BICD1: variants seen among roughly 807,000 people sequenced by gnomAD.
The protein encoded by BICD1 is BICD cargo adaptor 1.
A neutral mutation model predicts 92.5 loss-of-function variants in BICD1; 35 were observed. That is an observed-to-expected ratio of 0.38 (90% CI 0.29 to 0.50). The LOEUF (loss-of-function observed/expected upper bound fraction) is 0.50, where lower values mean the gene tolerates loss of function less well. Among genes scored for constraint, BICD1 ranks in the 20% least tolerant of loss-of-function variants. The pLI is 0.93. For missense variants in BICD1, 950 were observed against 1,189.8 expected, an observed-to-expected ratio of 0.80 and a Z score of 2.97; for synonymous variants, 429 against 465.1, an observed-to-expected ratio of 0.92 and a Z score of 1.00.
At chr12:32,289,715 C>T (rs1018625118) in intron 2 of BICD1, among the ~76,000 whole-genome samples, 1 of 152,184 alleles carries the variant, frequency 6.6e-6, no homozygotes, top group East Asian at 1.9e-4. Context: ...GATGATTGGG[C>T]GTAGCTTTCT....
At chr12:32,363,170 A>G (rs1306003852) in intron 8 of BICD1, among the ~76,000 whole-genome samples, 1 of 152,204 alleles carries the variant, frequency 6.6e-6, no homozygotes, top group Non-Finnish European at 1.5e-5. Context: ...GAGGAATGTC[A>G]TACAAGGGTA....
At chr12:32,187,671 CA>C (rs931141910) in intron 1 of BICD1, among the ~76,000 whole-genome samples, 10 of 150,118 alleles carry the variant, frequency 6.7e-5, no homozygotes, top group African/African-American at 2.4e-4. Flanking sequence ...GACTCCATAT[CA>C]AAAAAAAGGA....
chr12:32,154,342 G>A (rs561566755), intron 1 of BICD1, among the ~76,000 whole-genome samples: 52 of 152,210 alleles, frequency 3.4e-4, no homozygotes, highest in South Asian at 2.7e-3. Flanking sequence ...ATTCTGATAC[G>A]TGCTCTTGGT....
chr12:32,383,038 G>GT lies in BICD1; in HGVS notation c.*5416dup, dbSNP rs1312790162. On this transcript the variant is annotated 3_prime_UTR_variant, in exon 10 of 10. Coordinates refer to ENST00000652176, the MANE Select transcript of BICD1 (RefSeq NM_001714.4). Reference sequence around the variant, plus strand: ...TTATGACATTTTTATAATCTACTCTGTTTTTATTTGCATGATTATGCTTAT... The same window carrying GT: ...TTATGACATTTTTATAATCTACTCTGTTTTTTATTTGCATGATTATGCTTAT... The GT allele has an allele frequency of 6.6e-5, 10 of 150,574 alleles. No individual in the cohort carries two copies. Among genetic ancestry groups the GT allele is most frequent in the Non-Finnish European group, 1.5e-5 (1 of 67,364 alleles). The allele number at this position is 150,574 out of a possible 1,614,324, so 9.3% of individuals were successfully genotyped here. A position where few individuals can be genotyped will look rare whatever the true frequency, so the allele number is the denominator to read the frequency against.
intron 2 of BICD1, among the ~76,000 whole-genome samples, chr12:32,274,487 T>TA (rs1174723132): frequency 1.3e-5 from 2 of 152,210 alleles, no homozygotes; most frequent in Non-Finnish European, 2.9e-5. Context: ...CAGCTATTGC[T>TA]ACCATTAGCT....
intron 2 of BICD1, among the ~76,000 whole-genome samples, chr12:32,241,188 A>G (rs1946226724): frequency 6.6e-6 from 1 of 152,094 alleles, no homozygotes; most frequent in African/African-American, 2.4e-5. Flanking sequence ...AGAAATGGAA[A>G]CTCTGTGCTG....
intron 1 of BICD1, among the ~76,000 whole-genome samples, chr12:32,128,939 A>AT (rs139938197): frequency 2.7e-5 from 4 of 148,658 alleles, no homozygotes; most frequent in African/African-American, 5.0e-5. Flanking sequence ...TGTCCAACTA[A>AT]TTTTTTTTTT....
intron 2 of BICD1, among the ~76,000 whole-genome samples, chr12:32,230,138 G>A (rs1444490130): frequency 6.6e-6 from 1 of 152,130 alleles, no homozygotes; most frequent in East Asian, 1.9e-4. Context: ...TAGGGGAGGG[G>A]CTGAGATTTG....
intron 1 of BICD1, among the ~76,000 whole-genome samples, chr12:32,117,600 A>G (rs974434890): frequency 6.6e-5 from 10 of 151,738 alleles, no homozygotes; most frequent in Admixed American, 5.3e-4. Context: ...AGGGAGGTCT[A>G]CAGCCTCCAG....
In BICD1 at chr12:32,328,274, CCA is replaced by C. The variant is rs1565674787; in HGVS notation, c.1821_1822del (p.Pro608ValfsTer9). 6.2e-7 allele frequency: 1 copy of C among 1,614,158 alleles called. No individual in the cohort carries two copies. The highest frequency in any genetic ancestry group is 8.5e-7 in the Non-Finnish European group (1 of 1,180,026). ...TPTISPVITA[P>X]PSSPVLDTSD... is the part of the protein sequence containing the mutation. ...CACAATCTCTCCTGTTATTACTGCC[CCA>C]CCGTCATCTCCAGTATTGGATACAA... On this transcript the variant is annotated frameshift_variant, in exon 5 of 10. Transcript: ENST00000652176. LOFTEE classifies it high-confidence loss of function. This position sits in a 1 kb window ranked among gnomAD's most constrained non-coding sequence, Gnocchi z 4.4.
At chr12:32,126,544 A>T (rs1334047723) in intron 1 of BICD1, among the ~76,000 whole-genome samples, 1 of 151,936 alleles carries the variant, frequency 6.6e-6, no homozygotes, top group Non-Finnish European at 1.5e-5. Context: ...ATCACTTGAT[A>T]CCAGGAGTTC....
At chr12:32,363,611 A>T (rs922614302) in intron 8 of BICD1, among the ~76,000 whole-genome samples, 3 of 40,388 alleles carry the variant, frequency 7.4e-5, no homozygotes, top group Non-Finnish European at 1.1e-4. Flanking sequence ...CCTAGATATC[A>T]CAACCTCCAG....
At chr12:32,149,662 G>A (rs553903907) in intron 1 of BICD1, among the ~76,000 whole-genome samples, 1 of 152,286 alleles carries the variant, frequency 6.6e-6, no homozygotes, top group Admixed American at 6.5e-5. Flanking sequence ...GAGAATTCTG[G>A]TCATGTGATC....
At chr12:32,163,683 A>G (rs1356220511) in intron 1 of BICD1, among the ~76,000 whole-genome samples, 2 of 152,298 alleles carry the variant, frequency 1.3e-5, no homozygotes, top group South Asian at 2.1e-4. Flanking sequence ...CCCGTTTTCC[A>G]GTATTGTAGT....
intron 2 of BICD1, among the ~76,000 whole-genome samples, chr12:32,285,686 C>T (rs927376257): frequency 1.7e-4 from 26 of 152,148 alleles, no homozygotes; most frequent in African/African-American, 4.6e-4. Flanking sequence ...ATCCCCTCTC[C>T]CCTGAGGAGC....
intron 2 of BICD1, among the ~76,000 whole-genome samples, chr12:32,245,160 T>A (rs1946340416): frequency 1.3e-5 from 2 of 152,158 alleles, no homozygotes; most frequent in African/African-American, 4.8e-5. Flanking sequence ...CTAGTAGTAT[T>A]TTAAAAATCA....
intron 3 of BICD1, among the ~76,000 whole-genome samples, chr12:32,298,137 C>T (rs1947924015): frequency 6.7e-6 from 1 of 150,106 alleles, no homozygotes; most frequent in Non-Finnish European, 1.5e-5. Flanking sequence ...GAGCTGTGAT[C>T]ACACCTCTGT....
intron 2 of BICD1, among the ~76,000 whole-genome samples, chr12:32,292,395 G>A (rs539779065): frequency 8.5e-5 from 13 of 152,172 alleles, no homozygotes; most frequent in Admixed American, 2.0e-4. Flanking sequence ...CAGCCCTATC[G>A]GATTGGGCCT....
intron 2 of BICD1, among the ~76,000 whole-genome samples, chr12:32,252,651 G>A (rs892133488): frequency 6.6e-6 from 1 of 152,130 alleles, no homozygotes; most frequent in Non-Finnish European, 1.5e-5. Flanking sequence ...TCCGTGATGA[G>A]GTGGCCTTAT....
Sources: allele counts gnomAD v4.1 joint callset (sites outside exome capture counted in the v4.1 genomes callset), GRCh38; gene constraint gnomAD v4.1.1; non-coding constraint Gnocchi (gnomAD v3.1); transcripts MANE v1.5; gene names NCBI Gene and HGNC (gene_info 2026-07-23, HGNC 2026-07-21).